GRIK2: variants seen among roughly 807,000 people sequenced by gnomAD.
The protein encoded by GRIK2 is glutamate ionotropic receptor kainate type subunit 2, also known as glutamate receptor ionotropic, kainate 2.
A neutral mutation model predicts 100.3 loss-of-function variants in GRIK2; 32 were observed. The observed-to-expected ratio is 0.32, with a 90% CI of 0.24 to 0.43. GRIK2 has a LOEUF of 0.43. Among genes scored for constraint, GRIK2 ranks in the 20% least tolerant of loss-of-function variants. The probability of loss-of-function intolerance (pLI) is 1.00; values close to 1 mark genes in which losing one functional copy is unlikely to be tolerated. For synonymous variants in GRIK2, 417 were observed against 389.4 expected, an observed-to-expected ratio of 1.07 and a Z score of -0.83; for missense variants, 843 against 1,114.9, an observed-to-expected ratio of 0.76 and a Z score of 3.47.
chr6:101,884,211 A>G (rs929926172), intron 11 of GRIK2, among the ~76,000 whole-genome samples: 3 of 152,194 alleles, frequency 2.0e-5, no homozygotes, highest in Non-Finnish European at 4.4e-5. Flanking sequence ...CATTATATTG[A>G]ATATGGATAA....
intron 10 of GRIK2, among the ~76,000 whole-genome samples, chr6:101,841,441 G>T (rs1783494524): frequency 6.6e-6 from 1 of 151,242 alleles, no homozygotes; most frequent in Non-Finnish European, 1.5e-5. Context: ...TCAGCCCACT[G>T]CAAACTCTGC....
At chr6:101,496,432 C>A (rs1310568723) in intron 2 of GRIK2, among the ~76,000 whole-genome samples, 1 of 152,122 alleles carries the variant, frequency 6.6e-6, no homozygotes, top group Non-Finnish European at 1.5e-5. Context: ...TGGGATCAGA[C>A]AATGGTCTTC....
rs1774332830 is a variant in GRIK2 at position 101,511,793 on chromosome 6, G to C, written c.116-110156G>C. Among the ~76,000 whole-genome samples, 4 of 151,944 alleles carry C rather than the reference G, an allele frequency of 2.6e-5. No homozygotes were observed. The South Asian group carries it at 8.3e-4, about 31-fold the overall frequency. On this transcript the variant is annotated intron_variant, in intron 2 of 16. Transcript: ENST00000369134. Reference sequence around the variant, plus strand: ...TCATATATGATTTGTTTTTATGTTGGTTAAAATGATTAGCTTGGAAAATGG... The same window carrying C: ...TCATATATGATTTGTTTTTATGTTGCTTAAAATGATTAGCTTGGAAAATGG...
intron 7 of GRIK2, among the ~76,000 whole-genome samples, chr6:101,706,228 T>A (rs527665668): frequency 6.6e-6 from 1 of 152,022 alleles, no homozygotes; most frequent in South Asian, 2.1e-4. Flanking sequence ...GCTATATACA[T>A]GATAGTTTAA....
chr6:101,470,073 G>A (rs1309845802), intron 2 of GRIK2, among the ~76,000 whole-genome samples: 1 of 152,040 alleles, frequency 6.6e-6, no homozygotes, highest in Non-Finnish European at 1.5e-5. Context: ...CCTTCCTATT[G>A]GACAGTCCCT....
chr6:101,697,340 CGTGTGTGTGTGTGTGTGTGT>C (rs63654860), intron 7 of GRIK2, among the ~76,000 whole-genome samples: 4 of 146,716 alleles, frequency 2.7e-5, no homozygotes, highest in Admixed American at 1.4e-4. Context: ...TTAGGGTGTA[CGTGTGTGTGTGTGTGTGTGT>C]GTGTGTGTGT....
intron 2 of GRIK2, among the ~76,000 whole-genome samples, chr6:101,581,652 A>G (rs1187596313): frequency 6.6e-6 from 1 of 152,168 alleles, no homozygotes; most frequent in Admixed American, 6.6e-5. Flanking sequence ...TGCTTAAGAT[A>G]GAGATGAAAT....
intron 6 of GRIK2, among the ~76,000 whole-genome samples, chr6:101,683,194 C>G (rs928163619): frequency 1.4e-5 from 2 of 148,028 alleles, no homozygotes; most frequent in African/African-American, 4.9e-5. Context: ...GAGCTAGACT[C>G]CATCTAGAAA....
intron 12 of GRIK2, among the ~76,000 whole-genome samples, chr6:101,921,234 C>T (rs1011927748): frequency 6.6e-6 from 1 of 151,630 alleles, no homozygotes; most frequent in African/African-American, 2.4e-5. Context: ...TTTAAGGATG[C>T]TGGCAGGTGA....
intron 14 of GRIK2, among the ~76,000 whole-genome samples, chr6:101,947,718 T>C (rs964830451): frequency 1.3e-5 from 2 of 152,172 alleles, no homozygotes; most frequent in Admixed American, 6.6e-5. Flanking sequence ...ACAAAGGCAT[T>C]AATTAGACAT....
At chr6:101,573,059 C>T (rs553070841) in intron 2 of GRIK2, among the ~76,000 whole-genome samples, 6 of 151,578 alleles carry the variant, frequency 4.0e-5, no homozygotes, top group South Asian at 2.1e-4. Flanking sequence ...TTGGCCAGGC[C>T]GGTCTCAAAC....
chr6:102,044,523 G>A (rs2114466721), intron 15 of GRIK2, among the ~76,000 whole-genome samples: 1 of 151,992 alleles, frequency 6.6e-6, no homozygotes, highest in East Asian at 1.9e-4. Flanking sequence ...AGAAAAATGA[G>A]AAAAATGCAA....
intron 14 of GRIK2, among the ~76,000 whole-genome samples, chr6:101,992,083 A>C (rs2128492458): frequency 6.6e-6 from 1 of 151,692 alleles, no homozygotes; most frequent in South Asian, 2.1e-4. Flanking sequence ...CAATAACTGA[A>C]GTATTTAGTA....
chr6:101,662,134 T>C (rs1189424896), intron 4 of GRIK2, among the ~76,000 whole-genome samples: 1 of 152,220 alleles, frequency 6.6e-6, no homozygotes, highest in African/African-American at 2.4e-5. Context: ...TTAAAACAGC[T>C]GGGCCAATTA....
chr6:101,394,396 G>A (rs1774920786), intron 1 of GRIK2, among the ~76,000 whole-genome samples: 1 of 152,186 alleles, frequency 6.6e-6, no homozygotes, highest in Non-Finnish European at 1.5e-5. Context: ...TAAACCTCAA[G>A]AACTTTTAAC....
intron 10 of GRIK2, among the ~76,000 whole-genome samples, chr6:101,829,291 C>G (rs1221681730): frequency 6.6e-6 from 1 of 151,958 alleles, no homozygotes; most frequent in Non-Finnish European, 1.5e-5. Flanking sequence ...CAACATCATA[C>G]TGACTGGGGA....
At chr6:101,759,866 TA>T (rs1336035408) in intron 7 of GRIK2, among the ~76,000 whole-genome samples, 7 of 127,500 alleles carry the variant, frequency 5.5e-5, no homozygotes, top group African/African-American at 2.6e-4. Flanking sequence ...TTTATTTTTT[TA>T]TTTATTTTTA....
intron 7 of GRIK2, among the ~76,000 whole-genome samples, chr6:101,795,020 C>T (rs2128410861): frequency 6.6e-6 from 1 of 152,100 alleles, no homozygotes; most frequent in African/African-American, 2.4e-5. Context: ...CCCACAGCTA[C>T]CATGACCCAC....
chr6:101,905,631 GT>G (rs1261720217), intron 12 of GRIK2, among the ~76,000 whole-genome samples: 2 of 151,272 alleles, frequency 1.3e-5, no homozygotes, highest in Non-Finnish European at 3.0e-5. Flanking sequence ...TAATGCACTT[GT>G]TTTTTTATTT....
Sources: allele counts gnomAD v4.1 joint callset (sites outside exome capture counted in the v4.1 genomes callset), GRCh38; gene constraint gnomAD v4.1.1; transcripts MANE v1.5; gene names NCBI Gene and HGNC (gene_info 2026-07-23, HGNC 2026-07-21).